NCAM2: variants seen among roughly 807,000 people sequenced by gnomAD.
The protein encoded by NCAM2 is neural cell adhesion molecule 2.
A neutral mutation model predicts 98.1 loss-of-function variants in NCAM2; 30 were observed. The observed-to-expected ratio is 0.31, with a 90% confidence interval of 0.23 to 0.41. The LOEUF is 0.41. NCAM2 is among the 10% of genes least tolerant of loss of function. NCAM2 has a pLI of 1.00. For missense variants in NCAM2, 867 were observed against 1,005.8 expected (o/e 0.86, Z 1.87); for synonymous variants, 368 against 342.4 (o/e 1.07, Z -0.83).
chr21:21,229,710 T>G (rs2070543018), intron 1 of NCAM2, among the ~76,000 whole-genome samples: 1 of 151,420 alleles, frequency 6.6e-6, no homozygotes, highest in Admixed American at 6.6e-5. Context: ...CATACCATAT[T>G]GTATGTGAAT....
chr21:21,123,461 C>G (rs2066719496), intron 1 of NCAM2, among the ~76,000 whole-genome samples: 1 of 151,926 alleles, frequency 6.6e-6, no homozygotes, highest in Non-Finnish European at 1.5e-5. Flanking sequence ...TAAATTATGT[C>G]TACAATTGTC....
At chr21:21,276,405 A>G (rs1340179725) in intron 1 of NCAM2, among the ~76,000 whole-genome samples, 1 of 152,088 alleles carries the variant, frequency 6.6e-6, no homozygotes, top group African/African-American at 2.4e-5. Context: ...TTTGGGAATT[A>G]TTCACAGAGA....
chr21:21,479,303 G>A (rs2146268531), intron 15 of NCAM2, among the ~76,000 whole-genome samples: 1 of 152,046 alleles, frequency 6.6e-6, no homozygotes, highest in South Asian at 2.1e-4. Context: ...GAAATTGTTG[G>A]CCGGGCGCGG....
intron 1 of NCAM2, among the ~76,000 whole-genome samples, chr21:21,183,233 A>G (rs932191237): frequency 1.1e-4 from 16 of 152,160 alleles, no homozygotes; most frequent in Non-Finnish European, 1.8e-4. Context: ...TTCAGGGACA[A>G]CAAGGTTAAA....
intron 1 of NCAM2, among the ~76,000 whole-genome samples, chr21:21,264,920 G>T (rs1369433220): frequency 2.2e-5 from 2 of 89,992 alleles, no homozygotes; most frequent in African/African-American, 4.0e-5. Flanking sequence ...ACATATATTA[G>T]ATATACACAT....
intron 12 of NCAM2, among the ~76,000 whole-genome samples, chr21:21,454,718 T>A (rs1461070317): frequency 6.6e-6 from 1 of 152,014 alleles, no homozygotes; most frequent in Admixed American, 6.6e-5. Flanking sequence ...GAATGTTTGG[T>A]ATACAAATAG....
At chr21:21,117,092 C>G (rs917292548) in intron 1 of NCAM2, among the ~76,000 whole-genome samples, 1 of 152,088 alleles carries the variant, frequency 6.6e-6, no homozygotes, top group African/African-American at 2.4e-5. Context: ...ATATATACAT[C>G]TACATATAAT....
intron 15 of NCAM2, among the ~76,000 whole-genome samples, chr21:21,504,950 T>A (rs972015919): frequency 6.6e-6 from 1 of 151,868 alleles, no homozygotes; most frequent in African/African-American, 2.4e-5. Flanking sequence ...CCAATTATAC[T>A]TTTAGTTATT....
chr21:21,034,664 AT>A (rs2064761505), intron 1 of NCAM2, among the ~76,000 whole-genome samples: 1 of 152,186 alleles, frequency 6.6e-6, no homozygotes, highest in African/African-American at 2.4e-5. Flanking sequence ...AAGTTTTAGA[AT>A]TTAGTTGAGT....
intron 16 of NCAM2, among the ~76,000 whole-genome samples, chr21:21,520,720 G>A (rs1988967914): frequency 6.6e-6 from 1 of 152,120 alleles, no homozygotes; most frequent in South Asian, 2.1e-4. Context: ...AAATTGAAGA[G>A]GCAGAGAGGC....
intron 8 of NCAM2, among the ~76,000 whole-genome samples, chr21:21,348,132 G>T (rs778685610): frequency 6.6e-6 from 1 of 151,978 alleles, no homozygotes; most frequent in Non-Finnish European, 1.5e-5. Context: ...ACAAGAGAAA[G>T]ATCTAAGTGA....
intron 4 of NCAM2, among the ~76,000 whole-genome samples, chr21:21,287,400 C>T (rs1424176177): frequency 6.6e-6 from 1 of 151,924 alleles, no homozygotes; most frequent in East Asian, 1.9e-4. Context: ...CAATGCTTGT[C>T]AGTTTCCATT....
At chr21:21,286,496 G>A in intron 4 of NCAM2, 84 bp downstream of exon 4, 1 of 1,424,274 alleles carries the variant, frequency 7.0e-7, no homozygotes, top group South Asian at 1.4e-5. Flanking sequence ...TCTAGTTGTA[G>A]AAATTTGAAT....
intron 15 of NCAM2, among the ~76,000 whole-genome samples, chr21:21,488,372 A>C (rs1986568557): frequency 6.6e-6 from 1 of 152,038 alleles, no homozygotes; most frequent in African/African-American, 2.4e-5. Context: ...AAGTAGTTTC[A>C]ACCACGTACA....
intron 1 of NCAM2, among the ~76,000 whole-genome samples, chr21:21,218,334 C>G (rs990351692): frequency 6.6e-6 from 1 of 151,930 alleles, no homozygotes; most frequent in Non-Finnish European, 1.5e-5. Context: ...AGGTTTGTGA[C>G]CAAGTATACT....
At chr21:21,208,690 A>G (rs2069532198) in intron 1 of NCAM2, among the ~76,000 whole-genome samples, 1 of 151,696 alleles carries the variant, frequency 6.6e-6, no homozygotes, top group Admixed American at 6.6e-5. Context: ...GACCTTAAGA[A>G]AAAAAAAATC....
In NCAM2 at chr21:21,450,826, A is replaced by G. The variant is rs145729309; in HGVS notation, c.1655-15780A>G. On this transcript the variant is annotated intron_variant, in intron 12 of 17. Transcript: ENST00000400546. Reference sequence around the variant, plus strand: ...CACACACACACACACACACACACACACACACACATATCTCCTGTCACCAAA... The same window carrying G: ...CACACACACACACACACACACACACGCACACACATATCTCCTGTCACCAAA... Among the ~76,000 whole-genome samples, 950 of 151,364 alleles carry G rather than the reference A, an allele frequency of 6.3e-3. 12 individuals are homozygous for G. The highest frequency in any genetic ancestry group is 0.022 in the African/African-American group (912 of 41,160).
intron 1 of NCAM2, among the ~76,000 whole-genome samples, chr21:21,270,848 G>T (rs1230781019): frequency 6.6e-6 from 1 of 151,768 alleles, no homozygotes; most frequent in Non-Finnish European, 1.5e-5. Context: ...TGATGGGCCT[G>T]TAATGATTAT....
chr21:21,121,899 T>C (rs2066683628), intron 1 of NCAM2, among the ~76,000 whole-genome samples: 1 of 152,182 alleles, frequency 6.6e-6, no homozygotes, highest in Non-Finnish European at 1.5e-5. Flanking sequence ...TCAAAAGTGA[T>C]GAGACAGGGT....
Sources: gnomAD v4.1 joint callset for allele counts (sites outside exome capture counted in the v4.1 genomes callset) on GRCh38, gnomAD v4.1.1 for gene constraint, MANE v1.5 for transcripts, NCBI Gene and HGNC (gene_info 2026-07-23, HGNC 2026-07-21) for gene names.